The following CPQ variants were observed in gnomAD, a reference collection of about 807,000 sequenced individuals.
CPQ encodes Ser-Met dipeptidase.
CPQ carries 37 observed loss-of-function variants against 45.7 expected under a neutral mutation model. The observed-to-expected ratio is 0.81, with a 90% CI of 0.62 to 1.07. The LOEUF is 1.07. Among genes scored for constraint, CPQ ranks in the 50% least tolerant of loss-of-function variants. CPQ has a pLI of 0.00. For synonymous variants in CPQ, 186 were observed against 205.8 expected, an observed-to-expected ratio of 0.90 and a Z score of 0.82; for missense variants, 537 against 572.9, an observed-to-expected ratio of 0.94 and a Z score of 0.64.
At chr8:96,788,421 A>G (rs1404799348) in intron 2 of CPQ, among the ~76,000 whole-genome samples, 1 of 151,990 alleles carries the variant, frequency 6.6e-6, no homozygotes, top group Non-Finnish European at 1.5e-5. Flanking sequence ...AGGCTTCCCA[A>G]AGTGATGGGA....
chr8:96,977,939 C>G (rs1056805781), intron 5 of CPQ, among the ~76,000 whole-genome samples: 1 of 152,068 alleles, frequency 6.6e-6, no homozygotes, highest in Non-Finnish European at 1.5e-5. Flanking sequence ...ACTCATGTAA[C>G]CAAACACCAC....
intron 3 of CPQ, among the ~76,000 whole-genome samples, chr8:96,872,161 C>G (rs1812078912): frequency 6.6e-6 from 1 of 151,814 alleles, no homozygotes; most frequent in African/African-American, 2.4e-5. Context: ...AATGAGATAT[C>G]ACAGGGATGG....
At chr8:97,066,273 G>A in intron 7 of CPQ, 63 bp downstream of exon 7, 3 of 1,478,128 alleles carry the variant, frequency 2.0e-6, no homozygotes, top group South Asian at 1.2e-5. Context: ...TAAAATTTCT[G>A]TTTTAATAGA....
intron 1 of CPQ, among the ~76,000 whole-genome samples, chr8:96,766,365 T>A (rs888130690): frequency 7.9e-5 from 12 of 152,206 alleles, no homozygotes; most frequent in African/African-American, 2.9e-4. Flanking sequence ...TTCCTGCTTC[T>A]AGTTCATTAG....
intron 3 of CPQ, among the ~76,000 whole-genome samples, chr8:96,876,962 G>A (rs1386492650): frequency 6.6e-6 from 1 of 152,062 alleles, no homozygotes; most frequent in Non-Finnish European, 1.5e-5. Flanking sequence ...GTTGAGAAGG[G>A]TTCCCTCCTC....
intron 1 of CPQ, among the ~76,000 whole-genome samples, chr8:96,692,781 G>A (rs1409840552): frequency 1.3e-5 from 2 of 152,066 alleles, no homozygotes; most frequent in East Asian, 3.9e-4. Flanking sequence ...TTCTTCAACA[G>A]CCAGAGACCA....
At chr8:96,684,948 AC>A (rs1389578691) in intron 1 of CPQ, among the ~76,000 whole-genome samples, 1 of 151,906 alleles carries the variant, frequency 6.6e-6, no homozygotes, top group South Asian at 2.1e-4. Flanking sequence ...AAAAAAAAAT[AC>A]AAAAATTAGC....
At chr8:96,784,399 T>A (rs1361492085) in intron 1 of CPQ, among the ~76,000 whole-genome samples, 1 of 128,208 alleles carries the variant, frequency 7.8e-6, no homozygotes, top group Non-Finnish European at 1.7e-5. Flanking sequence ...TGTTCTGAGG[T>A]GGGGGGGGGG....
rs148406420 is a variant in CPQ, at chr8:96,815,690, G to A, written c.434-19283G>A. Among the ~76,000 whole-genome samples, 861 of 152,124 alleles carry A rather than the reference G, an allele frequency of 5.7e-3. 8 individuals are homozygous for A. The highest frequency in any genetic ancestry group is 0.01 in the Middle Eastern group (3 of 294). Reference sequence around the variant, plus strand: ...TACATTTTAAATTCCTTGAGGACTAGGCAATGTCTCTATCATTTAGATTCT... The same window carrying A: ...TACATTTTAAATTCCTTGAGGACTAAGCAATGTCTCTATCATTTAGATTCT... On this transcript the variant is annotated intron_variant, in intron 2 of 7. Transcript: ENST00000220763.
intron 5 of CPQ, among the ~76,000 whole-genome samples, chr8:96,976,022 C>A (rs1316689802): frequency 1.3e-5 from 2 of 151,838 alleles, no homozygotes; most frequent in African/African-American, 2.4e-5. Context: ...TCAAGTGCAT[C>A]CCAATCAGTA....
At chr8:96,844,796 G>C in intron 3 of CPQ, among the ~76,000 whole-genome samples, 1 of 152,112 alleles carries the variant, frequency 6.6e-6, no homozygotes, top group South Asian at 2.1e-4. Context: ...CAAAAGACTT[G>C]GGTTCTGTTT....
intron 5 of CPQ, among the ~76,000 whole-genome samples, chr8:96,980,180 TGGA>T (rs1317469965): frequency 2.0e-5 from 3 of 152,224 alleles, no homozygotes; most frequent in Non-Finnish European, 4.4e-5. Context: ...TTGCCCAGGC[TGGA>T]GTGCAGTGGC....
intron 3 of CPQ, among the ~76,000 whole-genome samples, chr8:96,876,873 T>G (rs372162470): frequency 6.6e-6 from 1 of 152,316 alleles, no homozygotes; most frequent in East Asian, 1.9e-4. Context: ...TAAGGGATTT[T>G]TGGTCTGTAG....
intron 3 of CPQ, among the ~76,000 whole-genome samples, chr8:96,845,392 T>G (rs1811671138): frequency 6.6e-6 from 1 of 152,240 alleles, no homozygotes; most frequent in Admixed American, 6.5e-5. Flanking sequence ...ACTTAAGAGA[T>G]ATTGATTGAA....
intron 1 of CPQ, among the ~76,000 whole-genome samples, chr8:96,674,772 C>T (rs1809053252): frequency 6.6e-6 from 1 of 152,000 alleles, no homozygotes; most frequent in Non-Finnish European, 1.5e-5. Flanking sequence ...TAAGAAGCGC[C>T]TTTGAAAAAC....
intron 4 of CPQ, among the ~76,000 whole-genome samples, chr8:96,889,530 G>C (rs1812346691): frequency 1.3e-5 from 2 of 152,142 alleles, no homozygotes; most frequent in Admixed American, 1.3e-4. Flanking sequence ...ATGAACAAGA[G>C]TTTATTAAGG....
chr8:96,684,461 G>A (rs552385984), intron 1 of CPQ, among the ~76,000 whole-genome samples: 1 of 152,306 alleles, frequency 6.6e-6, no homozygotes, highest in East Asian at 1.9e-4. Flanking sequence ...CCTGATGGTG[G>A]ATGCAGGTGT....
At chr8:96,978,109 T>C (rs757318582) in intron 5 of CPQ, among the ~76,000 whole-genome samples, 15 of 152,230 alleles carry the variant, frequency 9.9e-5, no homozygotes, top group Non-Finnish European at 2.2e-4. Flanking sequence ...TATTCTGATA[T>C]GTTATTTCCT....
chr8:96,793,990 G>A (rs988297183), intron 2 of CPQ, among the ~76,000 whole-genome samples: 12 of 152,158 alleles, frequency 7.9e-5, no homozygotes, highest in Admixed American at 6.6e-4. Context: ...GCTTTCATGG[G>A]CTGGTCTTGA....
Sources: allele counts gnomAD v4.1 joint callset (sites outside exome capture counted in the v4.1 genomes callset), GRCh38; gene constraint gnomAD v4.1.1; transcripts MANE v1.5; gene names NCBI Gene and HGNC (gene_info 2026-07-23, HGNC 2026-07-21).